Variants in TRIM37 observed in about 807,000 individuals in gnomAD.
The protein encoded by TRIM37 is tripartite motif containing 37.
TRIM37 carries 80 observed loss-of-function variants against 129.8 expected under a neutral mutation model. The observed-to-expected ratio is 0.62, with a 90% CI of 0.51 to 0.74. The LOEUF (loss-of-function observed/expected upper bound fraction) is 0.74, where lower values mean the gene tolerates loss of function less well. TRIM37 is among the 30% of genes least tolerant of loss of function. The pLI is 0.00. For synonymous variants in TRIM37, 389 were observed against 387.1 expected (o/e 1.00, Z -0.06); for missense variants, 1,054 against 1,176.5 (o/e 0.90, Z 1.52).
chr17:59,063,032 T>C (rs902174575), intron 10 of TRIM37, among the ~76,000 whole-genome samples: 6 of 152,158 alleles, frequency 3.9e-5, no homozygotes, highest in African/African-American at 1.4e-4. Context: ...AGTATAATCA[T>C]CTTTTAATAT....
chr17:59,032,562 GAACCAGACAGT>G (rs1375494559), intron 17 of TRIM37, among the ~76,000 whole-genome samples: 5 of 149,924 alleles, frequency 3.3e-5, no homozygotes, highest in Non-Finnish European at 7.4e-5. Context: ...AAGAAAGAAG[GAACCAGACAGT>G]TGTACATTAG....
chr17:58,977,761 G>T (rs1365078233), downstream of TRIM37, among the ~76,000 whole-genome samples: 2 of 151,758 alleles, frequency 1.3e-5, no homozygotes, highest in Admixed American at 1.3e-4. Context: ...ACTTTTTTTT[G>T]AGACAGAGTC....
downstream of TRIM37, among the ~76,000 whole-genome samples, chr17:58,995,776 C>A (rs754017294): frequency 6.6e-6 from 1 of 152,072 alleles, no homozygotes; most frequent in Admixed American, 6.6e-5. Context: ...ATGCCTCTAT[C>A]GCAGCACTTT....
At chr17:58,980,235 T>C, downstream of TRIM37, 1 of 1,614,170 alleles carries the variant, frequency 6.2e-7, no homozygotes, top group African/African-American at 1.3e-5. The surrounding 1 kb of genome is among the most constrained non-coding windows in gnomAD (Gnocchi z 4.7). Context: ...CTGAGGGACA[T>C]GAACAAAGCT....
intron 8 of TRIM37, among the ~76,000 whole-genome samples, chr17:59,074,101 T>C (rs2042610614): frequency 6.6e-6 from 1 of 152,256 alleles, no homozygotes; most frequent in African/African-American, 2.4e-5. Context: ...TATGTGTGTT[T>C]ACACTAGCAT....
In TRIM37 at chr17:59,047,723, T is replaced by C. The variant is rs1168681815; in HGVS notation, c.1627A>G (p.Thr543Ala). The C allele has an allele frequency of 4.3e-6, 7 of 1,614,070 alleles. No homozygotes were observed. Among genetic ancestry groups the C allele is most frequent in the Non-Finnish European group, 5.1e-6 (6 of 1,179,986 alleles). ...GSSSSASSTA[T>A]SNTEENDIDE... The stretch of plus-strand genomic sequence containing the variant: ...ATATCATTTTCTTCTGTATTACTTG[T>C]TGCTGTGGAACTAGCAGAGGAACTG... The change falls in exon 16 of 24, where the codon ACA (threonine) becomes GCA (alanine). Residue 543 changes from threonine (T) to alanine (A), a missense_variant. Physicochemically the swap from Thr to Ala is moderately conservative, Grantham distance 58. This residue lies in a region of TRIM37 where 752 missense variants were observed against 870.8 expected (regional missense o/e 0.86). Transcript: ENST00000262294.
chr17:59,028,666 G>C lies in TRIM37; in HGVS notation c.2006C>G (p.Pro669Arg). The stretch of plus-strand genomic sequence containing the variant: ...TCTTTTTAGCATCTTTAAATCAGAG[G>C]GCACTCGCCACATTGCCTGTTGCTT... ...QRKQQAMWRVPSDLKMLKRLK... is the reference protein window; with the variant it reads ...QRKQQAMWRVRSDLKMLKRLK... Residue 669 changes from proline (P) to arginine (R), a missense_variant, in exon 19 of 24, where the codon CCC becomes CGC. This residue lies in a region of TRIM37 where 752 missense variants were observed against 870.8 expected (regional missense o/e 0.86). Coordinates refer to ENST00000262294, the MANE Select transcript of TRIM37 (RefSeq NM_015294.6). 1 of 1,614,146 alleles carries C rather than the reference G, an allele frequency of 6.2e-7. No individual in the cohort carries two copies. Among genetic ancestry groups the C allele is most frequent in the Non-Finnish European group, 8.5e-7 (1 of 1,180,024 alleles).
intron 22 of TRIM37, among the ~76,000 whole-genome samples, chr17:59,006,066 AT>A (rs548674320): frequency 4.9e-4 from 75 of 152,210 alleles, no homozygotes; most frequent in Non-Finnish European, 7.9e-4. Flanking sequence ...AATTAGAATA[AT>A]GTTTTCCATT....
intron 22 of TRIM37, among the ~76,000 whole-genome samples, chr17:59,011,004 T>C (rs1182101152): frequency 1.3e-5 from 2 of 151,814 alleles, no homozygotes; most frequent in Admixed American, 1.3e-4. Flanking sequence ...TCCCGTCTCT[T>C]ACTAAAAATA....
chr17:58,972,180 A>G, the TRIM37 span: 11 of 1,614,156 alleles, frequency 6.8e-6, no homozygotes, highest in South Asian at 1.1e-4. Flanking sequence ...CAGAGGCAAC[A>G]TGCTACATGT....
chr17:59,049,230 T>A lies in TRIM37; in HGVS notation c.1478A>T (p.Glu493Val), dbSNP rs1326713660. The change falls in exon 15 of 24, where the codon GAG (glutamate) becomes GTG (valine). Residue 493 changes from glutamate (E) to valine (V), a missense_variant. Physicochemically the swap from Glu to Val is moderately radical, Grantham distance 121. This residue lies in a region of TRIM37 where 752 missense variants were observed against 870.8 expected (regional missense o/e 0.86). Transcript: ENST00000262294. ...EGGPTTASVR[E>V]AKEDEEDEEK... ...CTCATCTTCTTCATCCTCTTTGGCC[T>A]CTCTTACAGAAGCTGTAGTAGGACC... The A allele has an allele frequency of 6.2e-7, 1 of 1,614,158 alleles. No homozygotes were observed. The highest frequency in any genetic ancestry group is 1.1e-5 in the South Asian group (1 of 91,086).
chr17:58,994,738 TTTTC>T (rs575990592), downstream of TRIM37, among the ~76,000 whole-genome samples: 462 of 152,012 alleles, frequency 3.0e-3, 1 homozygote, highest in South Asian at 0.011. Context: ...TCTATATACA[TTTTC>T]TTTCTTTCTT....
chr17:59,050,742 G>A (rs970376391), intron 14 of TRIM37, among the ~76,000 whole-genome samples: 1 of 152,190 alleles, frequency 6.6e-6, no homozygotes, highest in Non-Finnish European at 1.5e-5. Context: ...CACTTTGGGA[G>A]GCCGAGGTGG....
chr17:58,998,086 G>A (rs1228639130), downstream of TRIM37: 10 of 449,544 alleles, frequency 2.2e-5, no homozygotes, highest in African/African-American at 1.7e-4. Context: ...ATCACTCCTC[G>A]CCATTAGACT....
intron 2 of TRIM37, among the ~76,000 whole-genome samples, chr17:59,100,741 G>A (rs971408799): frequency 6.6e-5 from 10 of 152,068 alleles, no homozygotes; most frequent in Admixed American, 3.9e-4. Flanking sequence ...CTGTACACTT[G>A]GCCAGGCTCA....
At chr17:59,099,781 G>C (rs1317460899) in intron 2 of TRIM37, among the ~76,000 whole-genome samples, 1 of 152,126 alleles carries the variant, frequency 6.6e-6, no homozygotes, top group Non-Finnish European at 1.5e-5. Flanking sequence ...CTTCTGGTGA[G>C]AATGTAAAAT....
At chr17:59,026,200 A>C (rs949807538) in intron 19 of TRIM37, among the ~76,000 whole-genome samples, 1 of 152,206 alleles carries the variant, frequency 6.6e-6, no homozygotes, top group African/African-American at 2.4e-5. Flanking sequence ...GTGCTGGGAA[A>C]ACTGGATATC....
chr17:59,024,259 C>G (rs924834652), intron 19 of TRIM37, among the ~76,000 whole-genome samples: 1 of 136,510 alleles, frequency 7.3e-6, no homozygotes, highest in African/African-American at 2.7e-5. Context: ...TGGTTGAATA[C>G]AGAATAAACA....
downstream of TRIM37, among the ~76,000 whole-genome samples, chr17:58,978,530 G>C (rs1263716889): frequency 6.6e-6 from 1 of 152,040 alleles, no homozygotes; most frequent in African/African-American, 2.4e-5. Flanking sequence ...GGCCAATATG[G>C]TGAAACCCCG....
Sources: gnomAD v4.1 joint callset for allele counts (sites outside exome capture counted in the v4.1 genomes callset) on GRCh38, gnomAD v4.1.1 for gene constraint, gnomAD v4.1.1 regional missense constraint, Gnocchi (gnomAD v3.1) non-coding constraint, MANE v1.5 for transcripts, NCBI Gene and HGNC (gene_info 2026-07-23, HGNC 2026-07-21) for gene names.